Variants in NLGN4Y observed in about 807,000 individuals in gnomAD.
The protein encoded by NLGN4Y is neuroligin-4, Y-linked.
Under a neutral mutation model 8.4 loss-of-function variants are expected in NLGN4Y, and 4 were observed. That is an observed-to-expected ratio of 0.48 (90% CI 0.23 to 1.09). NLGN4Y has a LOEUF of 1.09. Ranked by LOEUF, NLGN4Y falls within the 50% of genes least tolerant of loss-of-function variation. The pLI is 0.19. For missense variants in NLGN4Y, 90 were observed against 192.3 expected (o/e 0.47, Z 3.15); for synonymous variants, 35 against 75.6 (o/e 0.46, Z 2.78).
At chrY:14,822,334 A>C in intron 4 of NLGN4Y, among the ~76,000 whole-genome samples, 1 of 33,700 alleles carries the variant, frequency 3.0e-5, no homozygotes, top group Non-Finnish European at 7.4e-5. Context: ...TGAATAACTA[A>C]GATTTTTGAA....
At chrY:14,702,015 C>G in intron 2 of NLGN4Y, among the ~76,000 whole-genome samples, 1 of 30,702 alleles carries the variant, frequency 3.3e-5, no homozygotes, top group Non-Finnish European at 7.8e-5. Flanking sequence ...ATTTTTTACT[C>G]TTTGAATTCA....
At chrY:14,600,932 A>G (rs897198012) in intron 1 of NLGN4Y, among the ~76,000 whole-genome samples, 5 of 31,507 alleles carry the variant, frequency 1.6e-4, no homozygotes, top group Non-Finnish European at 3.1e-4. Flanking sequence ...CAGATACCCT[A>G]TTGTGCTATG....
At chrY:14,730,579 C>G (rs920930701) in intron 4 of NLGN4Y, among the ~76,000 whole-genome samples, 7 of 32,576 alleles carry the variant, frequency 2.1e-4, no homozygotes, top group Admixed American at 5.7e-4. Flanking sequence ...TATTTTGTAG[C>G]CTCCAGTGTC....
intron 4 of NLGN4Y, among the ~76,000 whole-genome samples, chrY:14,756,711 C>T: frequency 3.8e-5 from 1 of 26,065 alleles, no homozygotes; most frequent in Non-Finnish European, 8.6e-5. Flanking sequence ...CACCATTGCA[C>T]TCCATCCCAG....
At chrY:14,526,578 T>G (rs2080094789) in intron 1 of NLGN4Y, among the ~76,000 whole-genome samples, 2 of 30,352 alleles carry the variant, frequency 6.6e-5, no homozygotes, top group South Asian at 1.5e-3. Context: ...AGGCTTGATT[T>G]TGTGTGTGTG....
At chrY:14,656,535 C>T (rs373245204) in intron 2 of NLGN4Y, among the ~76,000 whole-genome samples, 2 of 27,911 alleles carry the variant, frequency 7.2e-5, no homozygotes, top group Non-Finnish European at 1.7e-4. Flanking sequence ...TGCAGTGCCC[C>T]GAGATCACAG....
intron 1 of NLGN4Y, among the ~76,000 whole-genome samples, chrY:14,591,333 C>A: frequency 3.0e-5 from 1 of 32,957 alleles, no homozygotes; most frequent in Non-Finnish European, 7.4e-5. Flanking sequence ...CTCCAGTGAG[C>A]AGCTGGAAAG....
At chrY:14,836,485 T>G in intron 6 of NLGN4Y, among the ~76,000 whole-genome samples, 1 of 28,117 alleles carries the variant, frequency 3.6e-5, no homozygotes, top group Non-Finnish European at 8.6e-5. Context: ...ACCTTGGTCT[T>G]TTTTTTTTTT....
At chrY:14,645,317 G>A in intron 2 of NLGN4Y, among the ~76,000 whole-genome samples, 3 of 28,039 alleles carry the variant, frequency 1.1e-4, no homozygotes, top group Admixed American at 1.0e-3. Context: ...GGAACTACAG[G>A]CACCCACCAC....
intron 2 of NLGN4Y, among the ~76,000 whole-genome samples, chrY:14,679,797 G>A (rs2080762141): frequency 3.0e-5 from 1 of 33,482 alleles, no homozygotes; most frequent in South Asian, 6.7e-4. Flanking sequence ...GGCTGATTTT[G>A]CATCCTTGGC....
At chrY:14,605,187 C>T in intron 1 of NLGN4Y, among the ~76,000 whole-genome samples, 2 of 32,048 alleles carry the variant, frequency 6.2e-5, no homozygotes, top group South Asian at 1.4e-3. Flanking sequence ...TCCTGAGTTT[C>T]TGTTATTGCT....
In NLGN4Y at chrY:14,840,468, C is replaced by G; in HGVS notation, c.1717C>G (p.Arg573Gly). The G allele has an allele frequency of 2.5e-6, 1 of 398,736 alleles. No homozygotes were observed. Among genetic ancestry groups the G allele is most frequent in the Non-Finnish European group, 3.5e-6 (1 of 283,559 alleles). Residue 573 changes from arginine to glycine, a missense_variant, in exon 7 of 7, where the codon CGC (arginine) becomes GGC (glycine). Arg to Gly is a moderately radical substitution (Grantham distance 125, BLOSUM62 -2). Transcript: ENST00000684976. ...CAAGTTCATTCATACAAAACCCAAT[C>G]GCTTTGAAGAAGTGGCCTGGTCCAA... ...DTKFIHTKPNRFEEVAWSKYN... is the reference protein window; with the variant it reads ...DTKFIHTKPNGFEEVAWSKYN...
chrY:14,685,404 C>T, intron 2 of NLGN4Y, among the ~76,000 whole-genome samples: 1 of 33,441 alleles, frequency 3.0e-5, no homozygotes, highest in Non-Finnish European at 7.4e-5. Flanking sequence ...CTTTCTTCTG[C>T]ATACTAAAAG....
intron 1 of NLGN4Y, among the ~76,000 whole-genome samples, chrY:14,573,549 T>G (rs2080283698): frequency 3.0e-5 from 1 of 33,429 alleles, no homozygotes; most frequent in Non-Finnish European, 7.4e-5. Context: ...AAAAACGAGC[T>G]CCTGGATTCA....
intron 1 of NLGN4Y, among the ~76,000 whole-genome samples, chrY:14,605,063 G>A: frequency 3.1e-5 from 1 of 32,026 alleles, no homozygotes; most frequent in Non-Finnish European, 7.6e-5. Flanking sequence ...TTCTCTGGGT[G>A]TATTGGATGG....
At chrY:14,823,006 T>G in intron 4 of NLGN4Y, among the ~76,000 whole-genome samples, 1 of 33,083 alleles carries the variant, frequency 3.0e-5, no homozygotes, top group South Asian at 6.8e-4. Flanking sequence ...GGCTTGGAAT[T>G]TATTGTCATT....
At chrY:14,626,456 T>A in intron 2 of NLGN4Y, among the ~76,000 whole-genome samples, 1 of 34,081 alleles carries the variant, frequency 2.9e-5, no homozygotes, top group Non-Finnish European at 7.3e-5. Flanking sequence ...CTGCAGTTCT[T>A]CATTCCTTCC....
At chrY:14,561,133 G>A (rs2080225942) in intron 1 of NLGN4Y, among the ~76,000 whole-genome samples, 1 of 32,182 alleles carries the variant, frequency 3.1e-5, no homozygotes, top group South Asian at 7.2e-4. Flanking sequence ...TGTGCAGAAC[G>A]TGCACTTTGT....
At chrY:14,545,019 G>T (rs2080164780) in intron 1 of NLGN4Y, among the ~76,000 whole-genome samples, 1 of 28,884 alleles carries the variant, frequency 3.5e-5, no homozygotes, top group African/African-American at 1.4e-4. Flanking sequence ...CTATGAGTGA[G>T]AATATGCGGT....
Sources: allele counts gnomAD v4.1 joint callset (sites outside exome capture counted in the v4.1 genomes callset), GRCh38; gene constraint gnomAD v4.1.1; transcripts MANE v1.5; gene names NCBI Gene and HGNC (gene_info 2026-07-23, HGNC 2026-07-21).